The following EBF4 variants were observed in gnomAD, a reference collection of about 807,000 sequenced individuals.
EBF4 encodes the protein transcription factor COE4.
A neutral mutation model predicts 67.1 loss-of-function variants in EBF4; 34 were observed. The ratio of observed to expected loss-of-function variants is 0.51; its 90% CI spans 0.39 to 0.67. EBF4 has a LOEUF of 0.67. EBF4 is among the 30% of genes least tolerant of loss of function. EBF4 has a pLI of 0.00. For missense variants in EBF4, 837 were observed against 873.3 expected (o/e 0.96, Z 0.52); for synonymous variants, 387 against 377.7 (o/e 1.02, Z -0.29).
At chr20:2,694,514 T>G (rs2146354650) in intron 1 of EBF4, among the ~76,000 whole-genome samples, 1 of 152,208 alleles carries the variant, frequency 6.6e-6, no homozygotes, top group East Asian at 1.9e-4. Context: ...TAAAAGTTTA[T>G]TGACCTGCCC....
intron 6 of EBF4, among the ~76,000 whole-genome samples, chr20:2,710,393 A>C (rs954562055): frequency 1.3e-5 from 2 of 151,946 alleles, no homozygotes; most frequent in African/African-American, 4.8e-5. Context: ...CAAGCAATCC[A>C]CCCACCTCGA....
chr20:2,699,267 A>C (rs974118947), intron 1 of EBF4, among the ~76,000 whole-genome samples: 13 of 152,202 alleles, frequency 8.5e-5, no homozygotes, highest in Non-Finnish European at 1.2e-4. Context: ...TAGTCTGTGA[A>C]GGTCAGGTTG....
At chr20:2,742,342 C>A (rs1360264005) in intron 6 of EBF4, among the ~76,000 whole-genome samples, 2 of 152,200 alleles carry the variant, frequency 1.3e-5, no homozygotes, top group Admixed American at 1.3e-4. Flanking sequence ...GCGTTCTGGG[C>A]AGTTGCTAAG....
chr20:2,744,084 AT>A (rs11426724), intron 6 of EBF4, among the ~76,000 whole-genome samples: 102 of 115,010 alleles, frequency 8.9e-4, no homozygotes, highest in Middle Eastern at 4.1e-3. Flanking sequence ...TATTTTTTTT[AT>A]TTTTTTTTTT....
rs115423524 is a variant in EBF4 at position 2,757,956 on chromosome 20, A to G, written c.1739-953A>G. Among the ~76,000 whole-genome samples the G allele has an allele frequency of 3.5e-3, 529 of 152,350 alleles. 3 individuals carry two copies. Among genetic ancestry groups the G allele is most frequent in the African/African-American group, 0.012 (490 of 41,570 alleles). ...GGACAAGAGAGCAAGACTCTGTCTCAGTAAATAAGTAAATAAATAAATAAC... is the reference window on the plus strand; with the variant it reads ...GGACAAGAGAGCAAGACTCTGTCTCGGTAAATAAGTAAATAAATAAATAAC... On this transcript the variant is annotated intron_variant, in intron 15 of 16. Transcript: ENST00000609451.
chr20:2,715,281 T>G (rs1031209580), intron 6 of EBF4, among the ~76,000 whole-genome samples: 1 of 152,238 alleles, frequency 6.6e-6, no homozygotes, highest in Non-Finnish European at 1.5e-5. Context: ...TGATACCATG[T>G]TGCAGCAACC....
At position 2,755,617 on chromosome 20, in the gene EBF4, C is replaced by CCCCCCCCCG; in HGVS notation, c.1541-10_1541-9insCCCCCCCCG. On this transcript the variant is annotated splice_polypyrimidine_tract_variant and intron_variant, in intron 14 of 16. Coordinates refer to ENST00000609451, the Ensembl canonical transcript of EBF4. This position sits in a 1 kb window ranked among gnomAD's most constrained non-coding sequence, Gnocchi z 4.7. The stretch of plus-strand genomic sequence containing the variant: ...CTGCTGCGCCTGCCCCTCCCCGCCC[C>CCCCCCCCCG]GCCCCGGAGTCATGCCCTCTAGCCC... The CCCCCCCCCG allele has an allele frequency of 1.5e-6, 2 of 1,373,128 alleles. No individual in the cohort carries two copies. Among genetic ancestry groups the CCCCCCCCCG allele is most frequent in the Non-Finnish European group, 1.0e-6 (1 of 991,114 alleles). 85.1% of individuals were successfully genotyped at this position (1,373,128 alleles called of 1,614,324 possible).
chr20:2,749,837 C>T lies in EBF4; in HGVS notation c.892-10C>T, dbSNP rs1451564213. 44 of 1,547,446 alleles carry T rather than the reference C, an allele frequency of 2.8e-5. No homozygotes were observed. Among genetic ancestry groups the T allele is most frequent in the Non-Finnish European group, 3.7e-5 (42 of 1,144,806 alleles). ...TGCGGGACCTGCAGGCCTCCCCTCT[C>T]CCCTCGCAGCTCATCACGCCCCACG... is the stretch of plus-strand genomic sequence containing the variant. On this transcript the variant is annotated splice_polypyrimidine_tract_variant and intron_variant, in intron 9 of 16. Coordinates refer to ENST00000609451, the Ensembl canonical transcript of EBF4.
At chr20:2,697,782 C>T (rs2087317457) in intron 1 of EBF4, among the ~76,000 whole-genome samples, 1 of 152,156 alleles carries the variant, frequency 6.6e-6, no homozygotes, top group Admixed American at 6.5e-5. Flanking sequence ...CCCCTGAAGA[C>T]TCAAGTCCTC....
At chr20:2,748,749 T>G in intron 7 of EBF4, 119 bp downstream of exon 7, 19 of 1,168,852 alleles carry the variant, frequency 1.6e-5, no homozygotes, top group Non-Finnish European at 2.0e-5. Flanking sequence ...GGCAGATCTC[T>G]GCCCAGCCCT....
At chr20:2,728,163 A>G (rs758970690) in intron 6 of EBF4, among the ~76,000 whole-genome samples, 2 of 152,228 alleles carry the variant, frequency 1.3e-5, no homozygotes, top group Admixed American at 6.5e-5. Flanking sequence ...GAAGGGTGCA[A>G]ACAAAAGCAG....
intron 6 of EBF4, among the ~76,000 whole-genome samples, chr20:2,723,601 GGCC>G (rs2087712218): frequency 2.0e-5 from 3 of 151,988 alleles, no homozygotes; most frequent in Non-Finnish European, 4.4e-5. Context: ...CACCCGCCTC[GGCC>G]TCCCAAAGTG....
intron 1 of EBF4, among the ~76,000 whole-genome samples, chr20:2,704,783 C>T (rs934002932): frequency 1.3e-5 from 2 of 152,234 alleles, no homozygotes; most frequent in African/African-American, 4.8e-5. Context: ...TTGCTCCTAG[C>T]CCCAGTTGTT....
intron 1 of EBF4, among the ~76,000 whole-genome samples, chr20:2,701,016 A>G (rs2087367011): frequency 6.6e-6 from 1 of 152,168 alleles, no homozygotes; most frequent in Admixed American, 6.5e-5. Flanking sequence ...GGGCAGCCCC[A>G]TGTGCGCTGC....
Position 2,696,193 on chromosome 20 carries a change from T to A in EBF4, c.137+2411T>A, listed in dbSNP as rs1006925083. 1.3e-5 allele frequency among the ~76,000 whole-genome samples: 2 copies of A among 152,222 alleles called. No individual in the cohort carries two copies. Among genetic ancestry groups the A allele is most frequent in the African/African-American group, 4.8e-5 (2 of 41,468 alleles). On this transcript the variant is annotated intron_variant, in intron 1 of 16. Coordinates refer to ENST00000609451, the Ensembl canonical transcript of EBF4. This position sits in a 1 kb window ranked among gnomAD's most constrained non-coding sequence, Gnocchi z 4.7. ...CCGATTACAAATAAAGTGACCAGGC[T>A]GGGCGCGGTGGCTCACGCCTGTAAT...
At chr20:2,698,639 G>C (rs2087331171) in intron 1 of EBF4, among the ~76,000 whole-genome samples, 1 of 152,038 alleles carries the variant, frequency 6.6e-6, no homozygotes, top group Admixed American at 6.5e-5. Context: ...TTAGCAGAGA[G>C]AGACTTTGGG....
rs1016990885 is a variant in EBF4 at position 2,739,803 on chromosome 20, C to T, written c.558-8746C>T. Among the ~76,000 whole-genome samples, 3 of 152,224 alleles carry T rather than the reference C, an allele frequency of 2.0e-5. No individual in the cohort carries two copies. Among genetic ancestry groups the T allele is most frequent in the Admixed American group, 6.5e-5 (1 of 15,286 alleles). On this transcript the variant is annotated intron_variant, in intron 6 of 16. Coordinates refer to ENST00000609451, the Ensembl canonical transcript of EBF4. This position sits in a 1 kb window ranked among gnomAD's most constrained non-coding sequence, Gnocchi z 4.5. ...GATCCCTGTCCCCTTATTTCCCCAT[C>T]TCAGGCTGCAGTGCCAGCTTTGGGC...
chr20:2,706,245 T>G, exon 4 of EBF4: 1 of 1,552,174 alleles, frequency 6.4e-7, no homozygotes, highest in Non-Finnish European at 8.7e-7. Flanking sequence ...GTGCGTCTCA[T>G]CGACTCCATG....
chr20:2,731,085 G>T (rs1024432396), intron 6 of EBF4, among the ~76,000 whole-genome samples: 2 of 152,126 alleles, frequency 1.3e-5, no homozygotes, highest in Admixed American at 1.3e-4. Context: ...TTTTAGTAGA[G>T]ACGGGGTTTC....
Sources: gnomAD v4.1 joint callset for allele counts (sites outside exome capture counted in the v4.1 genomes callset) on GRCh38, gnomAD v4.1.1 for gene constraint, Gnocchi (gnomAD v3.1) non-coding constraint, MANE v1.5 for transcripts, NCBI Gene and HGNC (gene_info 2026-07-23, HGNC 2026-07-21) for gene names.